GLB1: variants seen among roughly 807,000 people sequenced by gnomAD.
The protein encoded by GLB1 is galactosidase beta 1.
In GLB1, 56 loss-of-function variants were observed where a neutral mutation model predicts 74.0. The ratio of observed to expected loss-of-function variants is 0.76; its 90% confidence interval spans 0.61 to 0.94. The LOEUF is 0.94. Ranked by LOEUF, GLB1 falls within the 40% of genes least tolerant of loss-of-function variation. The pLI is 0.00. For synonymous variants in GLB1, 323 were observed against 323.6 expected (o/e 1.00, Z 0.02); for missense variants, 787 against 845.5 (o/e 0.93, Z 0.86).
At chr3:33,091,139 G>A in intron 1 of GLB1, 2 of 985,416 alleles carry the variant, frequency 2.0e-6, no homozygotes, top group Non-Finnish European at 2.4e-6. Flanking sequence ...TTCACAAAAT[G>A]CGGTCGGGAC....
chr3:33,092,223 G>A (rs929128988), intron 1 of GLB1: 1 of 985,718 alleles, frequency 1.0e-6, no homozygotes, highest in Non-Finnish European at 1.2e-6. Context: ...TCAAGGCCTG[G>A]AACAGGAGGA....
chr3:33,094,092 A>G (rs1559424119), intron 1 of GLB1: 1 of 1,614,262 alleles, frequency 6.2e-7, no homozygotes, highest in South Asian at 1.1e-5. Flanking sequence ...CCTGAGCTCA[A>G]GGCTCTCTGC....
At chr3:32,976,041 T>A in the GLB1 span, among the ~76,000 whole-genome samples, 1 of 152,140 alleles carries the variant, frequency 6.6e-6, no homozygotes, top group African/African-American at 2.4e-5. Context: ...ATTTCACCCA[T>A]CTCCCCTTTC....
Position 33,093,114 on chromosome 3 carries a change from T to G in GLB1, c.75+3897A>C. 1.2e-6 allele frequency: 2 copies of G among 1,614,166 alleles called. No homozygotes were observed. The highest frequency in any genetic ancestry group is 2.2e-5 in the South Asian group (2 of 91,086). ...GTGAGCTAGCAAGATGATTGTGTGG[T>G]CTGGGCTGCAGCCCTCCAGGGCCTT... On this transcript the variant is annotated intron_variant, in intron 1 of 15. Coordinates refer to ENST00000307363, the MANE Select transcript of GLB1 (RefSeq NM_000404.4). This position sits in a 1 kb window ranked among gnomAD's most constrained non-coding sequence, Gnocchi z 6.0.
chr3:32,964,376 G>C, the GLB1 span, among the ~76,000 whole-genome samples: 2 of 152,192 alleles, frequency 1.3e-5, no homozygotes, highest in Non-Finnish European at 2.9e-5. Context: ...TCGTGCAGTG[G>C]ACAAAGGGTA....
At chr3:33,041,395 C>T (rs1405156849) in intron 10 of GLB1, among the ~76,000 whole-genome samples, 1 of 152,160 alleles carries the variant, frequency 6.6e-6, no homozygotes, top group Non-Finnish European at 1.5e-5. Context: ...GGCATGGTGG[C>T]TCACACCTGT....
chr3:33,058,785 C>T (rs751557157), intron 5 of GLB1, among the ~76,000 whole-genome samples: 1 of 152,170 alleles, frequency 6.6e-6, no homozygotes, highest in Non-Finnish European at 1.5e-5. Flanking sequence ...ATTATATGCA[C>T]CAATTGTAAT....
At chr3:33,077,716 G>A (rs1054200538) in intron 1 of GLB1, among the ~76,000 whole-genome samples, 6 of 147,980 alleles carry the variant, frequency 4.1e-5, no homozygotes, top group Non-Finnish European at 5.9e-5. Context: ...CCAATGGTAC[G>A]TTTTGATTGA....
chr3:33,058,880 T>C (rs933203041), intron 5 of GLB1, among the ~76,000 whole-genome samples: 1 of 152,270 alleles, frequency 6.6e-6, no homozygotes, highest in Admixed American at 6.5e-5. Context: ...GCATGTTTAT[T>C]TGACCTGCTG....
intron 1 of GLB1, among the ~76,000 whole-genome samples, chr3:33,094,655 C>A (rs1486117265): frequency 7.2e-6 from 1 of 137,992 alleles, no homozygotes; most frequent in African/African-American, 2.7e-5. Flanking sequence ...CAAGCCATTA[C>A]TGCCTTTTCC....
the GLB1 span, among the ~76,000 whole-genome samples, chr3:32,978,926 A>ATTTTT: frequency 1.8e-3 from 222 of 120,658 alleles, 1 homozygote; most frequent in Non-Finnish European, 3.3e-3. Context: ...CACCCGGCTA[A>ATTTTT]TTTTTTTTTT....
rs535477237 is a variant in GLB1, at chr3:33,031,198, A to G, written c.1069-6873T>C. On this transcript the variant is annotated intron_variant, in intron 10 of 15. Coordinates refer to ENST00000307363, the MANE Select transcript of GLB1 (RefSeq NM_000404.4). The stretch of plus-strand genomic sequence containing the variant: ...TTGAAATGGATTACAGAGGAGACAT[A>G]TTCCGCTTTTTGAGTCTTTGATGAA... Among the ~76,000 whole-genome samples the G allele has an allele frequency of 1.7e-4, 26 of 152,332 alleles. No individual in the cohort carries two copies. In the East Asian group the frequency reaches 4.6e-3, roughly 27 times the overall value.
intron 13 of GLB1, among the ~76,000 whole-genome samples, 163 bp downstream of exon 13, chr3:33,018,285 C>CAAAAAAAAAAAAAAAAAAAAAAAAA (rs57833238): frequency 2.4e-5 from 1 of 41,970 alleles, no homozygotes; most frequent in African/African-American, 1.2e-4. Context: ...AACCCTGTCT[C>CAAAAAAAAAAAAAAAAAAAAAAAAA]AAAAAAAAAA....
intron 10 of GLB1, among the ~76,000 whole-genome samples, chr3:33,026,892 A>G (rs1463139694): frequency 6.6e-6 from 1 of 152,194 alleles, no homozygotes; most frequent in Admixed American, 6.5e-5. Context: ...CTATCGCTCA[A>G]TAAAGCTACT....
At chr3:33,060,515 T>C (rs147099372) in intron 5 of GLB1, among the ~76,000 whole-genome samples, 245 of 152,358 alleles carry the variant, frequency 1.6e-3, no homozygotes, top group South Asian at 0.014. Context: ...ATCTTAAAAG[T>C]TAGCTCCAGC....
chr3:33,018,253 T>A (rs1697316050), intron 13 of GLB1, among the ~76,000 whole-genome samples, 195 bp downstream of exon 13: 1 of 124,584 alleles, frequency 8.0e-6, no homozygotes, highest in South Asian at 2.7e-4. Flanking sequence ...ACCACTGCAC[T>A]CCAGGCTGGG....
chr3:33,025,232 A>T (rs1383218901), intron 10 of GLB1, among the ~76,000 whole-genome samples: 1 of 152,202 alleles, frequency 6.6e-6, no homozygotes, highest in African/African-American at 2.4e-5. Flanking sequence ...GGCGTGAGCC[A>T]GCGCGCCTGG....
At position 33,097,058 on chromosome 3, in the gene GLB1, G is replaced by A. The variant is rs370892144; in HGVS notation, c.28C>T (p.Pro10Ser). ...AGAAGCAGCAGAACCAGCAACAGAGGGAGGATGCGAACCAGGAACCCCGGC... is the reference window on the plus strand; with the variant it reads ...AGAAGCAGCAGAACCAGCAACAGAGAGAGGATGCGAACCAGGAACCCCGGC... MPGFLVRIL[P>S]LLLVLLLLGP... The change falls in exon 1 of 16, where the codon CCT becomes TCT. Residue 10 changes from proline to serine, a missense_variant. Pro to Ser is a moderately conservative substitution (Grantham distance 74). Transcript: ENST00000307363. 1.2e-6 allele frequency: 2 copies of A among 1,612,586 alleles called. No homozygotes were observed. The highest frequency in any genetic ancestry group is 1.7e-6 in the Non-Finnish European group (2 of 1,179,092).
chr3:32,993,752 T>A (rs1696263088), downstream of GLB1, among the ~76,000 whole-genome samples: 1 of 151,938 alleles, frequency 6.6e-6, no homozygotes, highest in Non-Finnish European at 1.5e-5. Context: ...GCCAGGCTGG[T>A]CTCGAACTCC....
Sources: allele counts gnomAD v4.1 joint callset (sites outside exome capture counted in the v4.1 genomes callset), GRCh38; gene constraint gnomAD v4.1.1; non-coding constraint Gnocchi (gnomAD v3.1); transcripts MANE v1.5; gene names NCBI Gene and HGNC (gene_info 2026-07-23, HGNC 2026-07-21).